The following PABPC4L variants were observed in gnomAD, a reference collection of about 807,000 sequenced individuals.
PABPC4L encodes polyadenylate-binding protein 4-like.
For missense variants in PABPC4L, 452 were observed against 451.4 expected, an observed-to-expected ratio of 1.00 and a Z score of -0.01; for synonymous variants, 169 against 164.1, an observed-to-expected ratio of 1.03 and a Z score of -0.23.
chr4:134,061,856 G>GGAAA, the PABPC4L span, among the ~76,000 whole-genome samples: 2 of 149,228 alleles, frequency 1.3e-5, no homozygotes, highest in South Asian at 2.1e-4. Context: ...GAAGAAAGAA[G>GGAAA]GAAAGAAAGA....
At chr4:133,952,802 A>C in the PABPC4L span, among the ~76,000 whole-genome samples, 1 of 152,128 alleles carries the variant, frequency 6.6e-6, no homozygotes, top group Non-Finnish European at 1.5e-5. Flanking sequence ...ATCAGGTCTC[A>C]ACCAAGGAAG....
the PABPC4L span, among the ~76,000 whole-genome samples, chr4:134,118,784 T>C: frequency 5.1e-3 from 772 of 151,906 alleles, 26 homozygotes; most frequent in East Asian, 0.036. Flanking sequence ...AATAGCATGT[T>C]CTCAATTAGT....
At chr4:134,177,186 CTTT>C in the PABPC4L span, among the ~76,000 whole-genome samples, 1 of 24,592 alleles carries the variant, frequency 4.1e-5, no homozygotes, top group Non-Finnish European at 7.4e-5. Context: ...CTTTTCTTTT[CTTT>C]TTTTTTTTTT....
chr4:134,191,893 A>C (rs1729521073), downstream of PABPC4L, among the ~76,000 whole-genome samples: 1 of 152,098 alleles, frequency 6.6e-6, no homozygotes, highest in African/African-American at 2.4e-5. Flanking sequence ...AATGGTAAAG[A>C]TTACATCAGA....
At chr4:134,117,555 G>A in the PABPC4L span, among the ~76,000 whole-genome samples, 1,748 of 151,670 alleles carry the variant, frequency 0.012, 36 homozygotes, top group African/African-American at 0.037. Context: ...CATAGAAACC[G>A]TGACAGTTAA....
the PABPC4L span, among the ~76,000 whole-genome samples, chr4:134,082,778 C>A: frequency 1.3e-5 from 2 of 151,778 alleles, no homozygotes; most frequent in African/African-American, 2.4e-5. Flanking sequence ...TCAAAAAGTC[C>A]CATACATTAT....
the PABPC4L span, among the ~76,000 whole-genome samples, chr4:134,118,469 A>G: frequency 6.6e-6 from 1 of 151,956 alleles, no homozygotes; most frequent in South Asian, 2.1e-4. Flanking sequence ...ATAATGGAAG[A>G]TTATGATTGG....
chr4:134,177,098 C>G, the PABPC4L span, among the ~76,000 whole-genome samples: 1 of 152,004 alleles, frequency 6.6e-6, no homozygotes, highest in Non-Finnish European at 1.5e-5. Flanking sequence ...CTTGCCTGCC[C>G]ACTCCTGCCA....
the PABPC4L span, among the ~76,000 whole-genome samples, chr4:134,060,019 T>C: frequency 2.6e-5 from 4 of 152,058 alleles, no homozygotes; most frequent in Non-Finnish European, 5.9e-5. Context: ...AGAGAGAGAA[T>C]CTGTATGCTT....
the PABPC4L span, among the ~76,000 whole-genome samples, chr4:134,138,382 G>A: frequency 6.6e-6 from 1 of 151,616 alleles, no homozygotes; most frequent in Admixed American, 6.6e-5. Flanking sequence ...AAATTATTGG[G>A]ATATCTAAGT....
At chr4:134,026,788 C>A in the PABPC4L span, among the ~76,000 whole-genome samples, 1 of 152,110 alleles carries the variant, frequency 6.6e-6, no homozygotes, top group African/African-American at 2.4e-5. Context: ...TAGACCTAGA[C>A]AAACATACAG....
the PABPC4L span, among the ~76,000 whole-genome samples, chr4:134,102,465 T>G: frequency 6.6e-6 from 1 of 151,468 alleles, no homozygotes; most frequent in Non-Finnish European, 1.5e-5. Context: ...TCTGGATGTA[T>G]AGCATGAGAA....
chr4:134,171,033 G>C, the PABPC4L span, among the ~76,000 whole-genome samples: 1 of 152,084 alleles, frequency 6.6e-6, no homozygotes, highest in Non-Finnish European at 1.5e-5. Flanking sequence ...TATTCTGATT[G>C]GTGTGAGACG....
At chr4:134,100,622 C>T in the PABPC4L span, among the ~76,000 whole-genome samples, 1 of 151,570 alleles carries the variant, frequency 6.6e-6, no homozygotes, top group African/African-American at 2.4e-5. Context: ...TACTACCTCT[C>T]TATGTACCCT....
the PABPC4L span, among the ~76,000 whole-genome samples, chr4:134,103,426 T>G: frequency 6.6e-6 from 1 of 151,758 alleles, no homozygotes; most frequent in South Asian, 2.1e-4. Context: ...TTCTTTCTTC[T>G]GAGGCCTCTC....
At chr4:134,123,685 A>G in the PABPC4L span, among the ~76,000 whole-genome samples, 1 of 152,104 alleles carries the variant, frequency 6.6e-6, no homozygotes, top group African/African-American at 2.4e-5. Flanking sequence ...AAATCTTAAT[A>G]TCTTGGGACT....
the PABPC4L span, among the ~76,000 whole-genome samples, chr4:134,099,086 A>T: frequency 2.2e-4 from 34 of 151,794 alleles, no homozygotes; most frequent in African/African-American, 7.9e-4. Context: ...GTTTGTGAGA[A>T]ACAGGAATCC....
chr4:134,197,126 A>T lies in PABPC4L; in HGVS notation c.*2781T>A, dbSNP rs1578881673. ...ACTTTCCAGTCTTGTTGTCTGGTAA[A>T]CCTTTTTAACAACTTTCTGCTTCTG... is the stretch of plus-strand genomic sequence containing the variant. On this transcript the variant is annotated 3_prime_UTR_variant, in exon 2 of 2. Coordinates refer to ENST00000421491, the MANE Select transcript of PABPC4L (RefSeq NM_001114734.2). 1 of 151,720 alleles carries T rather than the reference A, an allele frequency of 6.6e-6. No individual in the cohort carries two copies. Among genetic ancestry groups the T allele is most frequent in the Admixed American group, 6.6e-5 (1 of 15,228 alleles). 9.4% of individuals were successfully genotyped at this position (151,720 alleles called of 1,614,324 possible).
At chr4:134,143,281 T>G in the PABPC4L span, among the ~76,000 whole-genome samples, 1 of 150,284 alleles carries the variant, frequency 6.7e-6, no homozygotes, top group African/African-American at 2.4e-5. Flanking sequence ...ATACTAAATA[T>G]AATAAATATT....
Sources: gnomAD v4.1 joint callset for allele counts (sites outside exome capture counted in the v4.1 genomes callset) on GRCh38, gnomAD v4.1.1 for gene constraint, MANE v1.5 for transcripts, NCBI Gene and HGNC (gene_info 2026-07-23, HGNC 2026-07-21) for gene names.